The following MAP4K4 variants were observed in gnomAD, a reference collection of about 807,000 sequenced individuals.
MAP4K4 encodes HPK/GCK-like kinase HGK.
A neutral mutation model predicts 189.6 loss-of-function variants in MAP4K4; 38 were observed. The observed-to-expected ratio is 0.20, with a 90% CI of 0.15 to 0.26. MAP4K4 has a LOEUF of 0.26. MAP4K4 is among the 10% of genes least tolerant of loss of function. MAP4K4 has a pLI of 1.00. For synonymous variants in MAP4K4, 610 were observed against 624.3 expected, an observed-to-expected ratio of 0.98 and a Z score of 0.34; for missense variants, 1,054 against 1,726.9, an observed-to-expected ratio of 0.61 and a Z score of 6.91.
At chr2:101,734,432 A>G (rs2059620097) in intron 2 of MAP4K4, among the ~76,000 whole-genome samples, 1 of 152,238 alleles carries the variant, frequency 6.6e-6, no homozygotes, top group Admixed American at 6.5e-5. Context: ...TAGTATGGAT[A>G]TCAGGTAGTT....
At chr2:101,838,053 A>C (rs556534467) in intron 9 of MAP4K4, among the ~76,000 whole-genome samples, 2 of 152,092 alleles carry the variant, frequency 1.3e-5, no homozygotes, top group Admixed American at 1.3e-4. Context: ...TGTAAATTCT[A>C]CTGTTTTTTT....
chr2:101,706,833 T>C (rs1264547625), intron 2 of MAP4K4, among the ~76,000 whole-genome samples: 4 of 152,226 alleles, frequency 2.6e-5, no homozygotes, highest in African/African-American at 9.7e-5. Flanking sequence ...TATATGGGTA[T>C]TAAGGTTTTA....
intron 4 of MAP4K4, 43 bp from the exon 5 acceptor site, chr2:101,825,276 C>T (rs2096295969): frequency 6.1e-6 from 8 of 1,311,070 alleles, no homozygotes; most frequent in Admixed American, 5.7e-5. Context: ...TTCCCAATTT[C>T]TCCAAGATAT....
At chr2:101,845,603 G>A (rs1299167354) in intron 12 of MAP4K4, among the ~76,000 whole-genome samples, 4 of 152,112 alleles carry the variant, frequency 2.6e-5, no homozygotes, top group African/African-American at 7.2e-5. Flanking sequence ...TAACACAATG[G>A]TAAGTATTTG....
At chr2:101,839,771 C>T (rs2096864817) in intron 9 of MAP4K4, 48 bp from the exon 10 acceptor site, 1 of 1,431,870 alleles carries the variant, frequency 7.0e-7, no homozygotes, top group South Asian at 1.4e-5. Context: ...TATTTTCGAT[C>T]TTTACTCTTT....
chr2:101,844,366 C>T lies in MAP4K4; in HGVS notation c.1233+55C>T, dbSNP rs139716992. The T allele has an allele frequency of 3.6e-4, 519 of 1,438,212 alleles. 1 individual carries two copies. In the East Asian group the frequency reaches 0.011, roughly 31 times the overall value. The allele number at this position is 1,438,212 out of a possible 1,614,324, so 89.1% of individuals were successfully genotyped here. On this transcript the variant is annotated intron_variant, in intron 12 of 32. Transcript: ENST00000324219. ...GGTCTTTTCTCTTTCTGCATTTACA[C>T]TGGTAGTTAGCCACTCAGAGGAATA...
In MAP4K4 at chr2:101,797,889, G is replaced by GTTTT. The variant is rs58201235; in HGVS notation, c.180+7131_180+7134dup. 2.6e-3 allele frequency among the ~76,000 whole-genome samples: 134 copies of GTTTT among 52,280 alleles called. 9 individuals are homozygous for GTTTT. In the East Asian group the frequency reaches 0.026, roughly 10 times the overall value. The allele number at this position is 52,280 out of a possible 152,430, so 34.3% of individuals were successfully genotyped here. On this transcript the variant is annotated intron_variant, in intron 3 of 32. Coordinates refer to ENST00000324219, the Ensembl canonical transcript of MAP4K4. ...TGAAGCTTTTTAAAACATTCTTTTA[G>GTTTT]TTTTTTTTTTTTTTTTTTTTTGGAG... is the stretch of plus-strand genomic sequence containing the variant.
At chr2:101,892,600 C>T in exon 33 of MAP4K4, 1 of 282,254 alleles carries the variant, frequency 3.5e-6, no homozygotes, top group South Asian at 3.1e-5. Flanking sequence ...TTTCCCTTTT[C>T]TAAAAATGCA....
intron 2 of MAP4K4, among the ~76,000 whole-genome samples, chr2:101,735,606 G>A (rs1271690482): frequency 1.3e-5 from 2 of 152,064 alleles, no homozygotes; most frequent in Non-Finnish European, 2.9e-5. Context: ...GGTGGGCTGG[G>A]GCCTGCCCAT....
At chr2:101,804,554 T>C (rs905829012) in intron 3 of MAP4K4, among the ~76,000 whole-genome samples, 3 of 152,108 alleles carry the variant, frequency 2.0e-5, no homozygotes, top group Non-Finnish European at 2.9e-5. Context: ...CCAGGGGTCT[T>C]TTCTCTGAGC....
rs770988754 is a variant in MAP4K4, at chr2:101,698,563, T to A, written c.123+25T>A. The A allele has an allele frequency of 5.0e-6, 8 of 1,608,836 alleles. No individual in the cohort carries two copies. The South Asian group carries it at 7.7e-5, about 16-fold the overall frequency. Reference sequence around the variant, plus strand: ...GGTCGGTGTGGGCGCCTTCTTTGTTTCCCGTGGCATGTGGAAACTTCTTAT... The same window carrying A: ...GGTCGGTGTGGGCGCCTTCTTTGTTACCCGTGGCATGTGGAAACTTCTTAT... On this transcript the variant is annotated intron_variant, in intron 2 of 32. Coordinates refer to ENST00000324219, the Ensembl canonical transcript of MAP4K4.
In MAP4K4 at chr2:101,842,649, G is replaced by A. The variant is rs148704075; in HGVS notation, c.990G>A (p.Glu330=). The change falls in exon 11 of 33, where the codon GAG becomes GAA. Residue 330 remains glutamate (E), a synonymous_variant. Coordinates refer to ENST00000324219, the Ensembl canonical transcript of MAP4K4. ...AGTACAGTGGGAGTGAGGAAGAAGA[G>A]GAGGAAGTGCCTGAACAGGAAGGAG... 1.2e-5 allele frequency: 19 copies of A among 1,608,880 alleles called. No homozygotes were observed. The African/African-American group carries it at 2.1e-4, about 18-fold the overall frequency.
At chr2:101,778,314 T>C (rs1270387942) in intron 2 of MAP4K4, among the ~76,000 whole-genome samples, 1 of 152,230 alleles carries the variant, frequency 6.6e-6, no homozygotes, top group African/African-American at 2.4e-5. Context: ...GTGTCTCTGA[T>C]TCGTGTGTCC....
At chr2:101,815,844 C>A (rs1052610268) in intron 3 of MAP4K4, among the ~76,000 whole-genome samples, 2 of 152,110 alleles carry the variant, frequency 1.3e-5, no homozygotes, top group African/African-American at 4.8e-5. Context: ...CCTTTGAGCA[C>A]TGGGTAGTAT....
At chr2:101,735,576 G>A (rs1252018930) in intron 2 of MAP4K4, among the ~76,000 whole-genome samples, 1 of 152,148 alleles carries the variant, frequency 6.6e-6, no homozygotes, top group Non-Finnish European at 1.5e-5. Flanking sequence ...TTTGTTGGGT[G>A]GCCAAGGTCA....
intron 12 of MAP4K4, among the ~76,000 whole-genome samples, chr2:101,852,800 G>T (rs956877351): frequency 6.6e-6 from 1 of 152,186 alleles, no homozygotes; most frequent in African/African-American, 2.4e-5. Context: ...CCCCCAGCAG[G>T]TGCAGATATA....
chr2:101,825,207 T>G, intron 4 of MAP4K4, 112 bp from the exon 5 acceptor site: 1 of 612,174 alleles, frequency 1.6e-6, no homozygotes, highest in East Asian at 2.9e-5. Context: ...TATGAATTAT[T>G]GAGGAGCATC....
At chr2:101,717,486 A>T (rs1419646817) in intron 2 of MAP4K4, among the ~76,000 whole-genome samples, 2 of 152,076 alleles carry the variant, frequency 1.3e-5, no homozygotes, top group Non-Finnish European at 2.9e-5. Context: ...TCATATAATA[A>T]CTCTTAATTT....
Position 101,851,585 on chromosome 2 carries a change from GC to G in MAP4K4, c.1234-4387del, listed in dbSNP as rs955222640. Among the ~76,000 whole-genome samples the G allele has an allele frequency of 3.4e-4, 52 of 152,054 alleles. 1 individual carries two copies. Among genetic ancestry groups the G allele is most frequent in the African/African-American group, 1.2e-3 (50 of 41,490 alleles). ...TAATTTTTTAATGATTCCTCTTAGT[GC>G]CCCCAGCTACCTCCAAATTGAGGGC... is the stretch of plus-strand genomic sequence containing the variant. On this transcript the variant is annotated intron_variant, in intron 12 of 32. Coordinates refer to ENST00000324219, the Ensembl canonical transcript of MAP4K4.
Sources: allele counts gnomAD v4.1 joint callset (sites outside exome capture counted in the v4.1 genomes callset), GRCh38; gene constraint gnomAD v4.1.1; transcripts MANE v1.5; gene names NCBI Gene and HGNC (gene_info 2026-07-23, HGNC 2026-07-21).